The following STRBP variants were observed in gnomAD, a reference collection of about 807,000 sequenced individuals.
The protein encoded by STRBP is spermatid perinuclear RNA-binding protein.
A neutral mutation model predicts 80.1 loss-of-function variants in STRBP; 13 were observed. The observed-to-expected ratio is 0.16, with a 90% CI of 0.11 to 0.26. STRBP has a LOEUF of 0.26. Ranked by LOEUF, STRBP falls within the 10% of genes least tolerant of loss-of-function variation. The pLI is 1.00. For missense variants in STRBP, 485 were observed against 815.2 expected (o/e 0.59, Z 4.93); for synonymous variants, 284 against 291.2 (o/e 0.98, Z 0.25).
At chr9:123,211,096 A>T (rs1037061573) in intron 2 of STRBP, among the ~76,000 whole-genome samples, 1 of 152,228 alleles carries the variant, frequency 6.6e-6, no homozygotes, top group African/African-American at 2.4e-5. Context: ...TAGAATGTTC[A>T]TAGCAAGACT....
intron 11 of STRBP, among the ~76,000 whole-genome samples, chr9:123,156,366 G>GT (rs1443883091): frequency 6.6e-6 from 1 of 151,952 alleles, no homozygotes; most frequent in Admixed American, 6.6e-5. Context: ...TTAAGCATTG[G>GT]TTTATAATAA....
intron 1 of STRBP, among the ~76,000 whole-genome samples, chr9:123,244,557 G>C (rs1022527455): frequency 1.3e-5 from 2 of 152,136 alleles, no homozygotes; most frequent in African/African-American, 4.8e-5. Context: ...AGGGAAGAAG[G>C]TATATGGGAA....
chr9:123,214,150 AC>A (rs1564306934), intron 2 of STRBP, among the ~76,000 whole-genome samples: 2 of 126,860 alleles, frequency 1.6e-5, no homozygotes, highest in African/African-American at 7.0e-5. Flanking sequence ...ATGTATACAC[AC>A]ACACACACAC....
intron 2 of STRBP, among the ~76,000 whole-genome samples, chr9:123,207,781 A>T (rs1588102672): frequency 6.8e-6 from 1 of 147,464 alleles, no homozygotes; most frequent in Admixed American, 6.7e-5. Context: ...CACATAATAC[A>T]TATCTGAGCT....
At chr9:123,235,773 A>G (rs923745295) in intron 2 of STRBP, among the ~76,000 whole-genome samples, 1 of 152,130 alleles carries the variant, frequency 6.6e-6, no homozygotes, top group Non-Finnish European at 1.5e-5. Flanking sequence ...ATTTCTATCT[A>G]TTAAAATTCA....
chr9:123,115,121 T>G lies in STRBP; in HGVS notation c.*84+808A>C. Reference sequence around the variant, plus strand: ...CCTTTTAAGAAGTGACTGCAGACTGTGTGTCCCACCTGCCACTTGACTCTG... The same window carrying G: ...CCTTTTAAGAAGTGACTGCAGACTGGGTGTCCCACCTGCCACTTGACTCTG... On this transcript the variant is annotated intron_variant and NMD_transcript_variant, in intron 3 of 3. Coordinates refer to the STRBP transcript ENST00000471564. The surrounding 1 kb of genome is among the most constrained non-coding windows in gnomAD (Gnocchi z 5.0). 1 of 441,178 alleles carries G rather than the reference T, an allele frequency of 2.3e-6. No homozygotes were observed. The highest frequency in any genetic ancestry group is 1.7e-5 in the South Asian group (1 of 59,134). The allele number at this position is 441,178 out of a possible 1,614,324, so 27.3% of individuals were successfully genotyped here.
intron 1 of STRBP, among the ~76,000 whole-genome samples, chr9:123,248,257 T>C (rs1027496088): frequency 1.4e-5 from 2 of 147,816 alleles, no homozygotes; most frequent in Non-Finnish European, 3.0e-5. Flanking sequence ...CCCACCCCTA[T>C]CGTGTTTTTT....
intron 2 of STRBP, among the ~76,000 whole-genome samples, chr9:123,220,517 G>A (rs573157584): frequency 3.3e-5 from 5 of 152,146 alleles, no homozygotes; most frequent in Non-Finnish European, 5.9e-5. Context: ...TTCATTGTGC[G>A]GTGAATGACT....
intron 11 of STRBP, 38 bp downstream of exon 11, chr9:123,157,974 G>A (rs770062354): frequency 6.9e-7 from 1 of 1,443,068 alleles, no homozygotes; most frequent in East Asian, 2.3e-5. Context: ...CTCTACCAGT[G>A]CCAACCCCCA....
intron 2 of STRBP, among the ~76,000 whole-genome samples, 155 bp downstream of exon 2, chr9:123,236,675 T>G (rs62579003): frequency 1.8e-4 from 27 of 148,678 alleles, no homozygotes; most frequent in African/African-American, 6.7e-4. Context: ...AAAAAAAAAG[T>G]GTGTCATACA....
At chr9:123,184,588 AAAG>A (rs2038620980) in intron 2 of STRBP, among the ~76,000 whole-genome samples, 1 of 152,222 alleles carries the variant, frequency 6.6e-6, no homozygotes. Context: ...GCACCACCTG[AAAG>A]AGTAATACTA....
rs2035798040 is a variant in STRBP, at chr9:123,123,564, A to G, written c.*2033T>C. On this transcript the variant is annotated 3_prime_UTR_variant, in exon 19 of 19. Coordinates refer to ENST00000348403, the MANE Select transcript of STRBP (RefSeq NM_018387.5). ...AAAAAAAAAAGACTTGGTAGAAACC[A>G]TTTGAAATGACTGCCATCATGTTGG... 4 of 984,758 alleles carry G rather than the reference A, an allele frequency of 4.1e-6. No homozygotes were observed. The South Asian group carries it at 1.4e-4, about 35-fold the overall frequency. 61.0% of individuals were successfully genotyped at this position (984,758 alleles called of 1,614,324 possible).
At chr9:123,257,056 CAG>C (rs2041048479) in intron 1 of STRBP, among the ~76,000 whole-genome samples, 2 of 152,110 alleles carry the variant, frequency 1.3e-5, no homozygotes, top group African/African-American at 4.8e-5. Context: ...GGCTTTCAAA[CAG>C]AGTAAGGCTT....
At chr9:123,139,799 T>C (rs2036514090) in intron 13 of STRBP, 112 bp from the exon 14 acceptor site, 2 of 1,045,704 alleles carry the variant, frequency 1.9e-6, no homozygotes, top group Admixed American at 5.1e-5. Context: ...ATAAAACACC[T>C]TGCAGGAAGA....
intron 2 of STRBP, chr9:123,212,608 T>C (rs2039749697): frequency 6.6e-6 from 1 of 152,184 alleles, no homozygotes; most frequent in Non-Finnish European, 1.5e-5. Flanking sequence ...CCAGATGTCC[T>C]TGGCTTTCCC....
chr9:123,221,712 C>T (rs1419681059), intron 2 of STRBP, among the ~76,000 whole-genome samples: 2 of 152,160 alleles, frequency 1.3e-5, no homozygotes, highest in African/African-American at 2.4e-5. Context: ...ATTCTGATTT[C>T]TCTGATTGTT....
chr9:123,240,288 A>G (rs2040664877), intron 1 of STRBP, among the ~76,000 whole-genome samples: 1 of 118,406 alleles, frequency 8.4e-6, no homozygotes, highest in Non-Finnish European at 1.5e-5. Context: ...TGCTTTCTTC[A>G]TGAAACCATT....
intron 1 of STRBP, among the ~76,000 whole-genome samples, chr9:123,262,240 A>T (rs2041174017): frequency 6.6e-6 from 1 of 152,246 alleles, no homozygotes; most frequent in South Asian, 2.1e-4. Flanking sequence ...TTGCTGAATT[A>T]ACTGGCAAAA....
chr9:123,253,546 G>A (rs1219501931), intron 1 of STRBP, among the ~76,000 whole-genome samples: 1 of 152,186 alleles, frequency 6.6e-6, no homozygotes, highest in African/African-American at 2.4e-5. Context: ...TTGAATCCCA[G>A]ATTGACCACT....
Sources: allele counts gnomAD v4.1 joint callset (sites outside exome capture counted in the v4.1 genomes callset), GRCh38; gene constraint gnomAD v4.1.1; non-coding constraint Gnocchi (gnomAD v3.1); transcripts MANE v1.5; gene names NCBI Gene and HGNC (gene_info 2026-07-23, HGNC 2026-07-21).